ERBB4: variants seen among roughly 807,000 people sequenced by gnomAD.
ERBB4 encodes the protein erb-b2 receptor tyrosine kinase 4, also known as receptor tyrosine-protein kinase erbB-4.
A neutral mutation model predicts 158.0 loss-of-function variants in ERBB4; 42 were observed. The observed-to-expected ratio is 0.27, with a 90% CI of 0.21 to 0.34. The LOEUF (loss-of-function observed/expected upper bound fraction) is 0.34. Ranked by LOEUF, ERBB4 falls within the 10% of genes least tolerant of loss-of-function variation. The pLI is 1.00. For missense variants in ERBB4, 1,333 were observed against 1,624.1 expected (o/e 0.82, Z 3.08); for synonymous variants, 583 against 558.7 (o/e 1.04, Z -0.61).
At chr2:212,424,002 A>C (rs2091853364) in intron 1 of ERBB4, among the ~76,000 whole-genome samples, 1 of 152,150 alleles carries the variant, frequency 6.6e-6, no homozygotes, top group Admixed American at 6.6e-5. Flanking sequence ...TAAAAGTAAT[A>C]AATTCTAAAA....
intron 1 of ERBB4, among the ~76,000 whole-genome samples, chr2:212,391,642 AATATTAT>A (rs375411938): frequency 7.2e-6 from 1 of 138,948 alleles, no homozygotes; most frequent in East Asian, 2.0e-4. Flanking sequence ...ATTGACATAT[AATATTAT>A]ATATTATATT....
chr2:211,944,163 A>AT (rs2080591455), intron 3 of ERBB4, among the ~76,000 whole-genome samples: 1 of 59,358 alleles, frequency 1.7e-5, no homozygotes, highest in Non-Finnish European at 3.9e-5. Context: ...ATATATATAC[A>AT]CTATATATAT....
intron 20 of ERBB4, among the ~76,000 whole-genome samples, chr2:211,477,783 G>T (rs573731288): frequency 2.0e-5 from 3 of 152,178 alleles, no homozygotes; most frequent in African/African-American, 7.2e-5. Context: ...AAGTATTAAA[G>T]TTCAAAAGTA....
chr2:211,716,262 T>C (rs1330267641), intron 7 of ERBB4, among the ~76,000 whole-genome samples: 1 of 147,414 alleles, frequency 6.8e-6, no homozygotes, highest in Non-Finnish European at 1.5e-5. Context: ...CTAGGGAGAC[T>C]GAGGCAGGAG....
At chr2:211,834,196 T>C (rs147469163) in intron 3 of ERBB4, among the ~76,000 whole-genome samples, 4 of 152,108 alleles carry the variant, frequency 2.6e-5, no homozygotes, top group East Asian at 1.9e-4. Flanking sequence ...AATAGGCTAG[T>C]TGAAAGGAAA....
chr2:211,944,303 G>T (rs1461481475), intron 3 of ERBB4, among the ~76,000 whole-genome samples: 2 of 147,958 alleles, frequency 1.4e-5, no homozygotes, highest in African/African-American at 2.5e-5. Flanking sequence ...CCCCATAATT[G>T]TTACTGGTTA....
At chr2:212,003,099 C>CAGAAAGAAAGAAAGAAAGAAAGAA (rs1161309914) in intron 2 of ERBB4, among the ~76,000 whole-genome samples, 1 of 54,446 alleles carries the variant, frequency 1.8e-5, no homozygotes, top group African/African-American at 5.0e-5. Flanking sequence ...GAGACAGAGA[C>CAGAAAGAAAGAAAGAAAGAAAGAA]AGAAAGAAAG....
chr2:212,450,476 G>A (rs571415593), intron 1 of ERBB4, among the ~76,000 whole-genome samples: 2 of 152,226 alleles, frequency 1.3e-5, no homozygotes, highest in African/African-American at 4.8e-5. Flanking sequence ...ATTGCTGACT[G>A]GAGGCCATAA....
intron 19 of ERBB4, among the ~76,000 whole-genome samples, chr2:211,582,672 T>A (rs1423898556): frequency 1.3e-5 from 2 of 152,250 alleles, no homozygotes; most frequent in Non-Finnish European, 2.9e-5. Context: ...TAATTATTCA[T>A]CAGATCTACA....
rs150113074 is a variant in ERBB4 at position 212,448,217 on chromosome 2, G to C, written c.82+90232C>G. On this transcript the variant is annotated intron_variant, in intron 1 of 27. Transcript: ENST00000342788. ...ACAAACAGTAATGATTTTAATGCAT[G>C]TGTCAAATCTAAATCTTTGTCCCTA... is the stretch of plus-strand genomic sequence containing the variant. Among the ~76,000 whole-genome samples the C allele has an allele frequency of 3.3e-5, 5 of 152,280 alleles. No homozygotes were observed. In the East Asian group the frequency reaches 9.6e-4, roughly 29 times the overall value.
chr2:211,572,955 T>A (rs1022748655), intron 19 of ERBB4, among the ~76,000 whole-genome samples: 1 of 152,192 alleles, frequency 6.6e-6, no homozygotes, highest in East Asian at 1.9e-4. Flanking sequence ...GGTAGGCTGA[T>A]GATGGCTCTC....
At chr2:211,852,342 A>G (rs1187196631) in intron 3 of ERBB4, among the ~76,000 whole-genome samples, 1 of 152,010 alleles carries the variant, frequency 6.6e-6, no homozygotes, top group Non-Finnish European at 1.5e-5. Flanking sequence ...GATTGATAGT[A>G]TGCTGAATCG....
chr2:212,476,379 G>A (rs6723878), intron 1 of ERBB4, among the ~76,000 whole-genome samples: 72,951 of 151,870 alleles, frequency 0.48, 19,053 homozygotes, highest in African/African-American at 0.69. Flanking sequence ...AAATTAATGT[G>A]CATAGCAGTA....
chr2:211,473,022 A>G (rs531133617), intron 20 of ERBB4, among the ~76,000 whole-genome samples: 21 of 152,152 alleles, frequency 1.4e-4, no homozygotes, highest in Non-Finnish European at 2.6e-4. Flanking sequence ...CCTGGAACCC[A>G]TAAATGTTAC....
At chr2:212,402,865 C>T (rs1018755617) in intron 1 of ERBB4, among the ~76,000 whole-genome samples, 5 of 151,906 alleles carry the variant, frequency 3.3e-5, no homozygotes, top group African/African-American at 1.2e-4. Context: ...AAACACAGCT[C>T]ATTAGTTTTT....
chr2:211,969,766 G>A (rs147340405), intron 2 of ERBB4, among the ~76,000 whole-genome samples: 6 of 151,898 alleles, frequency 4.0e-5, no homozygotes, highest in African/African-American at 1.4e-4. Flanking sequence ...TTTTTACTGT[G>A]TTTATTTGAA....
intron 1 of ERBB4, among the ~76,000 whole-genome samples, chr2:212,187,088 T>C (rs935830952): frequency 1.3e-5 from 2 of 152,130 alleles, no homozygotes; most frequent in African/African-American, 4.8e-5. Context: ...TCAAATACAG[T>C]TGGAGTTTAC....
intron 26 of ERBB4, 108 bp from the exon 27 acceptor site, chr2:211,387,258 A>G (rs897712809): frequency 3.1e-6 from 3 of 970,460 alleles, no homozygotes; most frequent in African/African-American, 1.6e-5. Flanking sequence ...GAGAATAGTC[A>G]TAGTATTTAC....
intron 2 of ERBB4, among the ~76,000 whole-genome samples, chr2:212,011,762 A>AG (rs1302024253): frequency 6.6e-6 from 1 of 152,152 alleles, no homozygotes; most frequent in Admixed American, 6.5e-5. Context: ...AGAAAAAAAA[A>AG]AAAAAAGCAT....
Sources: gnomAD v4.1 joint callset for allele counts (sites outside exome capture counted in the v4.1 genomes callset) on GRCh38, gnomAD v4.1.1 for gene constraint, MANE v1.5 for transcripts, NCBI Gene and HGNC (gene_info 2026-07-23, HGNC 2026-07-21) for gene names.